Variants in LHFPL3 observed in about 807,000 individuals in gnomAD.
LHFPL3 encodes LHFPL tetraspan subfamily member 3 protein.
In LHFPL3, 5 loss-of-function variants were observed where a neutral mutation model predicts 19.3. The observed-to-expected ratio is 0.26, with a 90% CI of 0.14 to 0.54. The LOEUF (loss-of-function observed/expected upper bound fraction) is 0.54, where lower values mean the gene tolerates loss of function less well. LHFPL3 is among the 20% of genes least tolerant of loss of function. LHFPL3 has a pLI of 0.94. For missense variants in LHFPL3, 249 were observed against 307.4 expected, an observed-to-expected ratio of 0.81 and a Z score of 1.42; for synonymous variants, 133 against 126.2, an observed-to-expected ratio of 1.05 and a Z score of -0.36.
chr7:104,694,048 A>T (rs1305614073), intron 1 of LHFPL3, among the ~76,000 whole-genome samples: 1 of 152,196 alleles, frequency 6.6e-6, no homozygotes, highest in Non-Finnish European at 1.5e-5. Flanking sequence ...GTCTGCTGAC[A>T]GGGTCTTTAA....
intron 1 of LHFPL3, among the ~76,000 whole-genome samples, chr7:104,423,534 T>C (rs1232204216): frequency 6.6e-6 from 1 of 151,888 alleles, no homozygotes; most frequent in East Asian, 1.9e-4. Flanking sequence ...CACCCATGCC[T>C]GACTAATTTT....
intron 1 of LHFPL3, among the ~76,000 whole-genome samples, chr7:104,339,229 CAA>C (rs1383681012): frequency 1.3e-5 from 2 of 150,912 alleles, no homozygotes; most frequent in Non-Finnish European, 2.9e-5. Context: ...CCCTGGGCAA[CAA>C]GAGCGAAACT....
intron 1 of LHFPL3, among the ~76,000 whole-genome samples, chr7:104,414,781 T>G (rs186889992): frequency 1.3e-5 from 2 of 152,342 alleles, no homozygotes; most frequent in Admixed American, 1.3e-4. Context: ...CCTTAACATT[T>G]CAGTTTTGAA....
chr7:104,727,149 A>G (rs1235064722), intron 1 of LHFPL3, among the ~76,000 whole-genome samples: 1 of 152,112 alleles, frequency 6.6e-6, no homozygotes, highest in East Asian at 1.9e-4. Context: ...GTCTGTTCAT[A>G]TCCTTTGCCC....
chr7:104,532,318 CTTTTTTT>C lies in LHFPL3; in HGVS notation c.445+203110_445+203116del, dbSNP rs71155504. Among the ~76,000 whole-genome samples the C allele has an allele frequency of 4.1e-3, 356 of 87,232 alleles. 4 individuals are homozygous for C. Among genetic ancestry groups the C allele is most frequent in the African/African-American group, 0.015 (341 of 22,424 alleles). The allele number at this position is 87,232 out of a possible 152,430, so 57.2% of individuals were successfully genotyped here. ...TTTCTTTTTTTCTTTTTCTTTCTGT[CTTTTTTT>C]TTTTTTTTTTTTTTTGGTTAAAGAA... On this transcript the variant is annotated intron_variant, in intron 1 of 2. Transcript: ENST00000424859.
intron 1 of LHFPL3, among the ~76,000 whole-genome samples, chr7:104,417,796 C>G (rs1416586576): frequency 6.6e-6 from 1 of 151,890 alleles, no homozygotes; most frequent in Non-Finnish European, 1.5e-5. Context: ...ATGGTAAGTA[C>G]ACGAATGTGC....
chr7:104,542,445 A>T (rs1252487465), intron 1 of LHFPL3, among the ~76,000 whole-genome samples: 2 of 151,938 alleles, frequency 1.3e-5, no homozygotes, highest in African/African-American at 4.8e-5. Context: ...AGGTGTGGGG[A>T]CTGTTATCCA....
At chr7:104,470,965 G>A (rs961702616) in intron 1 of LHFPL3, among the ~76,000 whole-genome samples, 2 of 152,024 alleles carry the variant, frequency 1.3e-5, no homozygotes, top group Middle Eastern at 3.2e-3. Flanking sequence ...TCACAGAGAG[G>A]TTATTCCCAT....
chr7:104,687,274 G>T (rs1017425435), intron 1 of LHFPL3, among the ~76,000 whole-genome samples: 3 of 152,222 alleles, frequency 2.0e-5, no homozygotes, highest in Admixed American at 1.3e-4. Flanking sequence ...TATGGGAGAA[G>T]GGACGCAGAA....
intron 1 of LHFPL3, among the ~76,000 whole-genome samples, chr7:104,583,549 G>A (rs919795934): frequency 6.6e-6 from 1 of 152,136 alleles, no homozygotes; most frequent in Non-Finnish European, 1.5e-5. Flanking sequence ...TAAAATTTTT[G>A]CAACCTACTC....
chr7:104,875,587 T>A (rs956691589), intron 2 of LHFPL3, among the ~76,000 whole-genome samples: 1 of 152,218 alleles, frequency 6.6e-6, no homozygotes, highest in Non-Finnish European at 1.5e-5. Context: ...TTCAAAGTCT[T>A]AGAAATGTTC....
intron 2 of LHFPL3, among the ~76,000 whole-genome samples, chr7:104,752,309 T>C (rs1281491724): frequency 3.9e-5 from 6 of 152,302 alleles, no homozygotes; most frequent in Admixed American, 1.3e-4. Flanking sequence ...TGTTTCTTTC[T>C]GGGATTTTTT....
At chr7:104,806,665 A>T (rs892969601) in intron 2 of LHFPL3, among the ~76,000 whole-genome samples, 3 of 152,218 alleles carry the variant, frequency 2.0e-5, no homozygotes, top group African/African-American at 7.2e-5. Flanking sequence ...TCTGTTGACA[A>T]TTCTAGAATG....
intron 1 of LHFPL3, among the ~76,000 whole-genome samples, chr7:104,601,102 T>A (rs1790956267): frequency 6.6e-6 from 1 of 152,198 alleles, no homozygotes; most frequent in African/African-American, 2.4e-5. Context: ...CCATCTCCAA[T>A]TTATTTATAA....
chr7:104,340,969 A>G (rs1789934382), intron 1 of LHFPL3, among the ~76,000 whole-genome samples: 1 of 152,242 alleles, frequency 6.6e-6, no homozygotes, highest in African/African-American at 2.4e-5. Flanking sequence ...AGACCTGAAC[A>G]TTTAGTCATT....
chr7:104,458,936 A>G (rs937466329), intron 1 of LHFPL3, among the ~76,000 whole-genome samples: 27 of 152,348 alleles, frequency 1.8e-4, no homozygotes, highest in Admixed American at 9.2e-4. Flanking sequence ...CAATAGTGGT[A>G]ACAGCACTGT....
At chr7:104,426,012 C>T (rs771918156) in intron 1 of LHFPL3, among the ~76,000 whole-genome samples, 1 of 152,202 alleles carries the variant, frequency 6.6e-6, no homozygotes, top group Non-Finnish European at 1.5e-5. Flanking sequence ...ATTGCCTATT[C>T]CTTCTGTTCG....
At chr7:104,352,440 T>G (rs529343443) in intron 1 of LHFPL3, among the ~76,000 whole-genome samples, 7 of 152,162 alleles carry the variant, frequency 4.6e-5, no homozygotes, top group African/African-American at 7.2e-5. Context: ...CTAACCACTT[T>G]CCCCGCTTTT....
chr7:104,775,267 G>C (rs986558648), intron 2 of LHFPL3, among the ~76,000 whole-genome samples: 1 of 152,044 alleles, frequency 6.6e-6, no homozygotes, highest in African/African-American at 2.4e-5. Flanking sequence ...ATTGTGGCAG[G>C]CGCCTGTAAT....
Sources: gnomAD v4.1 joint callset for allele counts (sites outside exome capture counted in the v4.1 genomes callset) on GRCh38, gnomAD v4.1.1 for gene constraint, MANE v1.5 for transcripts, NCBI Gene and HGNC (gene_info 2026-07-23, HGNC 2026-07-21) for gene names.